The following UNC79 variants were observed in gnomAD, a reference collection of about 807,000 sequenced individuals.
UNC79 encodes unc-79 subunit of NALCN channel complex, also known as protein unc-79 homolog.
Under a neutral mutation model 283.1 loss-of-function variants are expected in UNC79, and 37 were observed. The ratio of observed to expected loss-of-function variants is 0.13; its 90% CI spans 0.10 to 0.17. The LOEUF (loss-of-function observed/expected upper bound fraction) is 0.17, where lower values mean the gene tolerates loss of function less well. UNC79 is among the 10% of genes least tolerant of loss of function. The pLI is 1.00. For missense variants in UNC79, 2,272 were observed against 3,211.1 expected (o/e 0.71, Z 7.07); for synonymous variants, 1,107 against 1,200.2 (o/e 0.92, Z 1.61).
intron 1 of UNC79, among the ~76,000 whole-genome samples, chr14:93,335,644 C>T (rs902143872): frequency 6.6e-6 from 1 of 152,168 alleles, no homozygotes; most frequent in South Asian, 2.1e-4. Context: ...TACTCTATTT[C>T]TCCGGGATTA....
chr14:93,464,435 A>G, intron 1 of UNC79: 1 of 435,206 alleles, frequency 2.3e-6, no homozygotes, highest in South Asian at 1.6e-5. Context: ...TCCTCTTAAA[A>G]GGACAGCAGT....
chr14:93,588,824 AGTTAGTGGGT>A (rs542746834), intron 22 of UNC79, among the ~76,000 whole-genome samples: 161 of 151,820 alleles, frequency 1.1e-3, no homozygotes, highest in African/African-American at 3.8e-3. Context: ...GAAAGAAAAC[AGTTAGTGGGT>A]GCAAGTTCTG....
Position 93,519,545 on chromosome 14 carries a change from A to G in UNC79, c.899-4433A>G, listed in dbSNP as rs540729101. The stretch of plus-strand genomic sequence containing the variant: ...ATTGGCATTTAATGTAATTTCTGGT[A>G]TGAATTGAAGCCTATCATGATACAC... On this transcript the variant is annotated intron_variant, in intron 7 of 48. Coordinates refer to ENST00000555664, the Ensembl canonical transcript of UNC79. Among the ~76,000 whole-genome samples, 6 of 151,988 alleles carry G rather than the reference A, an allele frequency of 3.9e-5. No homozygotes were observed. In the South Asian group the frequency reaches 1.0e-3, roughly 26 times the overall value.
At chr14:93,387,539 G>T (rs1318254225) in intron 1 of UNC79, among the ~76,000 whole-genome samples, 2 of 152,126 alleles carry the variant, frequency 1.3e-5, no homozygotes, top group African/African-American at 4.8e-5. Context: ...CCATGTGTTT[G>T]AACAGTGTCC....
At chr14:93,401,866 G>A (rs906726919) in intron 1 of UNC79, among the ~76,000 whole-genome samples, 3 of 152,094 alleles carry the variant, frequency 2.0e-5, no homozygotes, top group African/African-American at 7.2e-5. Context: ...ACCACAAACT[G>A]TTAGAAAGGG....
chr14:93,567,152 T>C (rs7148247), intron 14 of UNC79, among the ~76,000 whole-genome samples: 93,020 of 152,088 alleles, frequency 0.61, 29,151 homozygotes, highest in Admixed American at 0.68. Flanking sequence ...TAGCCAACTG[T>C]TGGAACCATG....
At chr14:93,404,493 A>AAAAAAATATATATATATATATATATAT in intron 1 of UNC79, among the ~76,000 whole-genome samples, 114 of 61,376 alleles carry the variant, frequency 1.9e-3, no homozygotes, top group Non-Finnish European at 2.5e-3. Context: ...TTCTAAAAAA[A>AAAAAAATATATATATATATATATATAT]ATATATATAT....
chr14:93,341,017 T>G (rs1378775571), intron 1 of UNC79, among the ~76,000 whole-genome samples: 1 of 152,206 alleles, frequency 6.6e-6, no homozygotes, highest in African/African-American at 2.4e-5. Flanking sequence ...TGAGGCTATG[T>G]GGTTAGTAAA....
At chr14:93,394,588 T>G (rs1310230119) in intron 1 of UNC79, among the ~76,000 whole-genome samples, 2 of 152,024 alleles carry the variant, frequency 1.3e-5, no homozygotes, top group Non-Finnish European at 2.9e-5. Context: ...TTTTTGTATT[T>G]TTAGTAGAGA....
At chr14:93,450,002 A>C (rs2056587638) in intron 1 of UNC79, among the ~76,000 whole-genome samples, 1 of 152,250 alleles carries the variant, frequency 6.6e-6, no homozygotes, top group African/African-American at 2.4e-5. Flanking sequence ...TGTGCGAAAC[A>C]GTCTCTGGGA....
At chr14:93,460,776 A>G (rs2056940368) in intron 1 of UNC79, among the ~76,000 whole-genome samples, 1 of 152,050 alleles carries the variant, frequency 6.6e-6, no homozygotes, top group South Asian at 2.1e-4. Context: ...CTGTAATCCT[A>G]GCACTTGGGA....
chr14:93,706,930 A>G (rs566001192), downstream of UNC79: 7 of 1,613,132 alleles, frequency 4.3e-6, no homozygotes, highest in South Asian at 1.1e-5. Flanking sequence ...CTCAGTGTCA[A>G]CACTCTGGTT....
At chr14:93,443,287 G>A (rs1293807358) in intron 1 of UNC79, among the ~76,000 whole-genome samples, 4 of 151,940 alleles carry the variant, frequency 2.6e-5, no homozygotes, top group Non-Finnish European at 5.9e-5. Flanking sequence ...AAGATTCCTT[G>A]TGTCCTTTGC....
chr14:93,354,335 T>C (rs550412500), intron 1 of UNC79, among the ~76,000 whole-genome samples: 2 of 152,294 alleles, frequency 1.3e-5, no homozygotes, highest in Non-Finnish European at 2.9e-5. Flanking sequence ...TCCAAAATGC[T>C]CCAAGATCTG....
At chr14:93,492,379 A>G (rs1177304556) in intron 5 of UNC79, among the ~76,000 whole-genome samples, 2 of 152,068 alleles carry the variant, frequency 1.3e-5, no homozygotes, top group Admixed American at 1.3e-4. Flanking sequence ...TTATTTTTCG[A>G]GATGGAATCT....
At chr14:93,694,197 C>A in intron 46 of UNC79, 138 bp from the exon 50 acceptor site, 1 of 622,922 alleles carries the variant, frequency 1.6e-6, no homozygotes, top group Admixed American at 3.1e-5. Flanking sequence ...GAATGAACAC[C>A]ACTGCCAGTG....
chr14:93,409,933 C>A lies in UNC79; in HGVS notation c.-350-57738C>A, dbSNP rs535017727. On this transcript the variant is annotated intron_variant, in intron 1 of 49. Coordinates refer to the UNC79 transcript ENST00000256339. ...CTGAATAGAGGCTTCACCAATCAGTCCCCCAATAAAGACACCAATTTAACA... is the reference window on the plus strand; with the variant it reads ...CTGAATAGAGGCTTCACCAATCAGTACCCCAATAAAGACACCAATTTAACA... 3.6e-3 allele frequency among the ~76,000 whole-genome samples: 541 copies of A among 152,270 alleles called. 5 individuals are homozygous for A. Among genetic ancestry groups the A allele is most frequent in the African/African-American group, 0.012 (519 of 41,568 alleles).
intron 14 of UNC79, among the ~76,000 whole-genome samples, chr14:93,544,020 A>G (rs1454445583): frequency 1.3e-5 from 2 of 152,064 alleles, no homozygotes; most frequent in African/African-American, 4.8e-5. Flanking sequence ...GAAATTTCCC[A>G]TTTTCTGACA....
At chr14:93,532,442 C>T in intron 10 of UNC79, 108 bp from the exon 11 acceptor site, 5 of 1,333,224 alleles carry the variant, frequency 3.8e-6, no homozygotes, top group Non-Finnish European at 5.1e-6. Flanking sequence ...TGCACTCCAG[C>T]CTGATTGACA....
Sources: gnomAD v4.1 joint callset for allele counts (sites outside exome capture counted in the v4.1 genomes callset) on GRCh38, gnomAD v4.1.1 for gene constraint, MANE v1.5 for transcripts, NCBI Gene and HGNC (gene_info 2026-07-23, HGNC 2026-07-21) for gene names.